The following PARVB variants were observed in gnomAD, a reference collection of about 807,000 sequenced individuals.
PARVB encodes the protein beta-parvin.
In PARVB, 46 loss-of-function variants were observed where a neutral mutation model predicts 47.0. The observed-to-expected ratio is 0.98, with a 90% CI of 0.77 to 1.25. The LOEUF (loss-of-function observed/expected upper bound fraction) is 1.25, where lower values mean the gene tolerates loss of function less well. PARVB is among the 50% of genes most tolerant of loss of function. The pLI is 0.00. For missense variants in PARVB, 473 were observed against 471.6 expected (o/e 1.00, Z -0.03); for synonymous variants, 196 against 196.3 (o/e 1.00, Z 0.01).
At chr22:44,063,213 G>T (rs915399468) in intron 1 of PARVB, among the ~76,000 whole-genome samples, 3 of 150,734 alleles carry the variant, frequency 2.0e-5, no homozygotes, top group Non-Finnish European at 4.4e-5. Context: ...AGACCAATAT[G>T]AATATTTCTT....
chr22:44,157,323 A>T (rs2053957525), intron 10 of PARVB, among the ~76,000 whole-genome samples: 1 of 152,182 alleles, frequency 6.6e-6, no homozygotes, highest in Non-Finnish European at 1.5e-5. Flanking sequence ...TCTTCACGAC[A>T]GCCCTGAATG....
rs896931371 is a variant in PARVB, at chr22:44,049,094, G to A, written c.112+24643G>A. ...TCCAGGCTTTCCGGCTCCAGGGCTGGTGCCCTCTGTCCTGTGCCACTTCCC... is the reference window on the plus strand; with the variant it reads ...TCCAGGCTTTCCGGCTCCAGGGCTGATGCCCTCTGTCCTGTGCCACTTCCC... On this transcript the variant is annotated intron_variant, in intron 1 of 12. Coordinates refer to ENST00000338758, the MANE Select transcript of PARVB (RefSeq NM_013327.5). This position sits in a 1 kb window ranked among gnomAD's most constrained non-coding sequence, Gnocchi z 4.0. Among the ~76,000 whole-genome samples the A allele has an allele frequency of 1.3e-5, 2 of 152,132 alleles. No individual in the cohort carries two copies. The highest frequency in any genetic ancestry group is 2.9e-5 in the Non-Finnish European group (2 of 68,010).
Position 44,024,468 on chromosome 22 carries a change from G to C in PARVB, c.112+17G>C. ...CGCGCGAGGGTGAGTGCGCGCCCGC[G>C]CCCGCCGACCCCCGGGGACCTGCCC... On this transcript the variant is annotated intron_variant, in intron 1 of 12. Coordinates refer to ENST00000338758, the MANE Select transcript of PARVB (RefSeq NM_013327.5). 8.8e-7 allele frequency: 1 copy of C among 1,140,674 alleles called. No homozygotes were observed. Among genetic ancestry groups the C allele is most frequent in the Non-Finnish European group, 1.1e-6 (1 of 928,132 alleles). The allele number at this position is 1,140,674 out of a possible 1,614,324, so 70.7% of individuals were successfully genotyped here.
Position 44,171,815 on chromosome 22 carries a change from A to ATT in PARVB, c.*3156_*3157dup, listed in dbSNP as rs766430471. ...GGCGATGTTTCCAGCAAAGGATGTG[A>ATT]TTTTTTTTTTTTTTTTTTTTGAGAT... On this transcript the variant is annotated 3_prime_UTR_variant, in exon 13 of 13. Coordinates refer to ENST00000338758, the MANE Select transcript of PARVB (RefSeq NM_013327.5). 23,515 of 126,622 alleles carry ATT rather than the reference A, an allele frequency of 0.19. 2,402 individuals are homozygous for ATT. The highest frequency in any genetic ancestry group is 0.25 in the Middle Eastern group (59 of 236). 7.8% of individuals were successfully genotyped at this position (126,622 alleles called of 1,614,324 possible). A position where few individuals can be genotyped will look rare whatever the true frequency, so the allele number is the denominator to read the frequency against.
intron 8 of PARVB, chr22:44,144,879 G>T (rs962267432): frequency 3.3e-5 from 5 of 152,264 alleles, no homozygotes; most frequent in Non-Finnish European, 4.4e-5. Flanking sequence ...CAGCGACCAA[G>T]CTGAGCATTC....
intron 1 of PARVB, among the ~76,000 whole-genome samples, chr22:44,029,729 G>A (rs1409350552): frequency 6.6e-6 from 1 of 152,160 alleles, no homozygotes; most frequent in African/African-American, 2.4e-5. Context: ...GGCCAACGTG[G>A]TGAAACCCCA....
At chr22:44,022,850 G>A (rs780114249), upstream of PARVB, among the ~76,000 whole-genome samples, 2 of 151,736 alleles carry the variant, frequency 1.3e-5, no homozygotes, top group Non-Finnish European at 2.9e-5. Flanking sequence ...GAGTTCAAGC[G>A]ATCCTTGTGC....
intron 1 of PARVB, among the ~76,000 whole-genome samples, chr22:44,091,641 C>T (rs2052169918): frequency 6.6e-6 from 1 of 152,190 alleles, no homozygotes. Context: ...ATGCGGTAGC[C>T]TGGTCCGAAT....
intron 10 of PARVB, among the ~76,000 whole-genome samples, chr22:44,156,622 G>T (rs1214203522): frequency 6.6e-6 from 1 of 152,136 alleles, no homozygotes; most frequent in African/African-American, 2.4e-5. Flanking sequence ...AAGAATTCTG[G>T]AGATTGTTTG....
At chr22:44,047,323 G>A (rs1172414956) in intron 1 of PARVB, among the ~76,000 whole-genome samples, 4 of 152,132 alleles carry the variant, frequency 2.6e-5, no homozygotes, top group Admixed American at 6.5e-5. Flanking sequence ...CAGAAACACA[G>A]CTGCATTATT....
chr22:44,074,961 C>T (rs1442462192), intron 1 of PARVB, among the ~76,000 whole-genome samples: 3 of 152,208 alleles, frequency 2.0e-5, no homozygotes, highest in Non-Finnish European at 2.9e-5. Context: ...GGCTTCCCAG[C>T]CTCAACACTG....
intron 6 of PARVB, among the ~76,000 whole-genome samples, chr22:44,134,792 A>T (rs1430058211): frequency 6.6e-6 from 1 of 152,208 alleles, no homozygotes; most frequent in Non-Finnish European, 1.5e-5. Flanking sequence ...CTGCCTGGCC[A>T]CGTGGCTTTG....
chr22:44,084,893 C>G (rs1215542485), intron 1 of PARVB, among the ~76,000 whole-genome samples: 1 of 152,214 alleles, frequency 6.6e-6, no homozygotes, highest in Non-Finnish European at 1.5e-5. Flanking sequence ...CATAACCCTG[C>G]CAGGACATCT....
chr22:44,056,217 C>T (rs73888830), intron 1 of PARVB, among the ~76,000 whole-genome samples: 2,305 of 152,358 alleles, frequency 0.015, 45 homozygotes, highest in African/African-American at 0.046. Flanking sequence ...CTTGGGGCAC[C>T]GCTGCCTCTG....
chr22:44,061,226 C>A (rs544826328), intron 1 of PARVB, among the ~76,000 whole-genome samples: 2 of 152,084 alleles, frequency 1.3e-5, no homozygotes, highest in African/African-American at 2.4e-5. Flanking sequence ...GTCAGGAGTT[C>A]GAGACCAGCC....
chr22:44,035,882 A>C (rs111503729), intron 1 of PARVB, among the ~76,000 whole-genome samples: 37 of 152,276 alleles, frequency 2.4e-4, no homozygotes, highest in African/African-American at 7.9e-4. Flanking sequence ...TAATGTTCTA[A>C]GCAATGCAAT....
At chr22:44,015,680 G>T (rs952585822) in intron 2 of PARVB, among the ~76,000 whole-genome samples, 4 of 152,122 alleles carry the variant, frequency 2.6e-5, no homozygotes, top group Admixed American at 6.5e-5. Flanking sequence ...TTAGCTGTGG[G>T]TGATGATGCA....
At chr22:44,022,948 T>C (rs2050668490), upstream of PARVB, among the ~76,000 whole-genome samples, 1 of 151,820 alleles carries the variant, frequency 6.6e-6, no homozygotes, top group African/African-American at 2.4e-5. Context: ...GGTTTCACCA[T>C]GTTGGCCAGG....
At chr22:44,085,747 C>T (rs528606096) in intron 1 of PARVB, among the ~76,000 whole-genome samples, 24 of 152,300 alleles carry the variant, frequency 1.6e-4, no homozygotes, top group Admixed American at 3.3e-4. Context: ...CGTCTTCCCT[C>T]GGCTACACGC....
Sources: gnomAD v4.1 joint callset for allele counts (sites outside exome capture counted in the v4.1 genomes callset) on GRCh38, gnomAD v4.1.1 for gene constraint, Gnocchi (gnomAD v3.1) non-coding constraint, MANE v1.5 for transcripts, NCBI Gene and HGNC (gene_info 2026-07-23, HGNC 2026-07-21) for gene names.